SLC66A3: variants seen among roughly 807,000 people sequenced by gnomAD.
SLC66A3 encodes PQ loop repeat containing 3.
Under a neutral mutation model 25.5 loss-of-function variants are expected in SLC66A3, and 23 were observed. The observed-to-expected ratio is 0.90, with a 90% CI of 0.65 to 1.28. The LOEUF (loss-of-function observed/expected upper bound fraction) is 1.28, where lower values mean the gene tolerates loss of function less well. Among genes scored for constraint, SLC66A3 ranks in the 50% most tolerant of loss-of-function variants. The pLI, the probability that SLC66A3 is intolerant of heterozygous loss-of-function variation, is 0.00. For synonymous variants in SLC66A3, 108 were observed against 112.6 expected (o/e 0.96, Z 0.26); for missense variants, 246 against 262.1 (o/e 0.94, Z 0.42).
intron 6 of SLC66A3, among the ~76,000 whole-genome samples, chr2:11,175,251 C>CT (rs1662697569): frequency 6.6e-6 from 1 of 152,212 alleles, no homozygotes; most frequent in African/African-American, 2.4e-5. Context: ...GGAACTTCCA[C>CT]TTAAGCAGTG....
At chr2:11,162,074 A>G (rs11683786) in intron 3 of SLC66A3, among the ~76,000 whole-genome samples, 85,206 of 152,074 alleles carry the variant, frequency 0.56, 24,044 homozygotes, top group African/African-American at 0.57. Flanking sequence ...CATCTGTGAC[A>G]TGGGATCATA....
At position 11,155,634 on chromosome 2, in the gene SLC66A3, G is replaced by A. The variant is rs750672666; in HGVS notation, c.88G>A (p.Ala30Thr). ...GCTGCCGCAGATCTCCGCTGTGCTA[G>A]CGGCGCGCAGCGCGCGGGGCCTCAG... ...LKLPQISAVL[A>T]ARSARGLSLP... Residue 30 changes from alanine (A) to threonine (T), a missense_variant, in exon 1 of 7, where the codon GCG (alanine) becomes ACG (threonine). Ala to Thr is a moderately conservative substitution (Grantham distance 58, BLOSUM62 0). This residue lies in a region of SLC66A3 where 142 missense variants were observed against 130.3 expected (regional missense o/e 1.09). Transcript: ENST00000295083. 6.6e-7 allele frequency: 1 copy of A among 1,513,958 alleles called. No homozygotes were observed. Among genetic ancestry groups the A allele is most frequent in the Non-Finnish European group, 8.8e-7 (1 of 1,142,262 alleles). The allele number at this position is 1,513,958 out of a possible 1,614,324, so 93.8% of individuals were successfully genotyped here.
At chr2:11,168,083 A>T (rs1662411347) in intron 4 of SLC66A3, among the ~76,000 whole-genome samples, 1 of 152,172 alleles carries the variant, frequency 6.6e-6, no homozygotes, top group African/African-American at 2.4e-5. Context: ...GATCAAGACC[A>T]TCCTGGCTAA....
rs770634313 is a variant in SLC66A3 at position 11,172,070 on chromosome 2, G to T, written c.475+25G>T. On this transcript the variant is annotated intron_variant, in intron 5 of 6. Transcript: ENST00000295083. ...AGTAAGAACCGGACTCACATGGTGG[G>T]GAGGCCTTTGGTAGCACCAAGTGTC... The T allele has an allele frequency of 1.9e-6, 3 of 1,611,976 alleles. No individual in the cohort carries two copies. Among genetic ancestry groups the T allele is most frequent in the Non-Finnish European group, 2.5e-6 (3 of 1,178,938 alleles).
intron 4 of SLC66A3, among the ~76,000 whole-genome samples, chr2:11,171,003 G>A (rs544190528): frequency 2.8e-4 from 42 of 152,178 alleles, no homozygotes; most frequent in African/African-American, 9.9e-4. Context: ...CCCACTGCAC[G>A]GTGGAATCTG....
At chr2:11,176,525 C>A (rs1274655298) in intron 6 of SLC66A3, among the ~76,000 whole-genome samples, 2 of 87,306 alleles carry the variant, frequency 2.3e-5, no homozygotes, top group African/African-American at 8.4e-5. Flanking sequence ...CTGGGAATAA[C>A]TTTTTTTTTT....
intron 6 of SLC66A3, among the ~76,000 whole-genome samples, chr2:11,175,334 G>C (rs973462175): frequency 6.6e-5 from 10 of 152,194 alleles, no homozygotes; most frequent in African/African-American, 2.4e-4. Context: ...AGTAGGGCAG[G>C]ATGAGCATCT....
intron 4 of SLC66A3, among the ~76,000 whole-genome samples, chr2:11,166,383 G>A (rs1662344197): frequency 6.6e-6 from 1 of 152,126 alleles, no homozygotes; most frequent in East Asian, 1.9e-4. Flanking sequence ...TCTACCCAAC[G>A]AGAAAAGGAG....
intron 2 of SLC66A3, 31 bp from the exon 3 acceptor site, chr2:11,160,594 T>TC (rs1236381822): frequency 1.2e-6 from 2 of 1,613,870 alleles, no homozygotes. Context: ...GGTCTCCCCT[T>TC]CCCCCCTCAC....
intron 6 of SLC66A3, among the ~76,000 whole-genome samples, chr2:11,176,056 A>G (rs556502277): frequency 6.6e-6 from 1 of 152,352 alleles, no homozygotes; most frequent in African/African-American, 2.4e-5. Flanking sequence ...GTCTTTCCAC[A>G]GGACTTGAAT....
chr2:11,177,321 G>A (rs913935766), intron 6 of SLC66A3, among the ~76,000 whole-genome samples: 8 of 152,086 alleles, frequency 5.3e-5, no homozygotes, highest in South Asian at 2.1e-4. Flanking sequence ...ATAGCCAGGC[G>A]TGGTGGTGGG....
At position 11,165,831 on chromosome 2, in the gene SLC66A3, C is replaced by G. The variant is rs1342250672; in HGVS notation, c.354+1570C>G. ...GGGCTGGAGACCAGCCCGGCCAACACAGCGAAACCCTGTCTCCACCAAAAA... is the reference window on the plus strand; with the variant it reads ...GGGCTGGAGACCAGCCCGGCCAACAGAGCGAAACCCTGTCTCCACCAAAAA... On this transcript the variant is annotated intron_variant, in intron 4 of 6. Transcript: ENST00000295083. Among the ~76,000 whole-genome samples the G allele has an allele frequency of 4.0e-5, 6 of 149,778 alleles. No individual in the cohort carries two copies. In the Admixed American group the frequency reaches 4.0e-4, roughly 10 times the overall value.
chr2:11,155,539 G>C lies in SLC66A3; in HGVS notation c.-8G>C. Reference sequence around the variant, plus strand: ...TGCGGCCGCCCAGGTGCCCGCGCCCGTGGCGCTATGGAGGCGGCGCTGCTG... The same window carrying C: ...TGCGGCCGCCCAGGTGCCCGCGCCCCTGGCGCTATGGAGGCGGCGCTGCTG... On this transcript the variant is annotated 5_prime_UTR_variant, in exon 1 of 7. Coordinates refer to ENST00000295083, the MANE Select transcript of SLC66A3 (RefSeq NM_152391.5). 1 of 1,491,084 alleles carries C rather than the reference G, an allele frequency of 6.7e-7. No homozygotes were observed. The highest frequency in any genetic ancestry group is 1.3e-5 in the South Asian group (1 of 79,898). The allele number at this position is 1,491,084 out of a possible 1,614,324, so 92.4% of individuals were successfully genotyped here. A position where few individuals can be genotyped will look rare whatever the true frequency, so the allele number is the denominator to read the frequency against.
Position 11,171,979 on chromosome 2 carries a change from TG to T in SLC66A3, c.411del (p.Trp137Ter), listed in dbSNP as rs753828522. 1.9e-6 allele frequency: 3 copies of T among 1,613,980 alleles called. No homozygotes were observed. The South Asian group carries it at 3.3e-5, about 18-fold the overall frequency. ...TAAGTTTGCACAGCTCCAGTGTCTG[TG>T]GAAGACGAGAGACTCAGGAACTGTG... ...ASKFAQLQCL[W>X]KTRDSGTVSA... is the part of the protein sequence containing the mutation. On this transcript the variant is annotated frameshift_variant, in exon 5 of 7. Coordinates refer to ENST00000295083, the MANE Select transcript of SLC66A3 (RefSeq NM_152391.5). LOFTEE classifies it high-confidence loss of function.
chr2:11,171,395 C>A lies in SLC66A3; in HGVS notation c.355-530C>A, dbSNP rs1458312414. Among the ~76,000 whole-genome samples, 3 of 152,094 alleles carry A rather than the reference C, an allele frequency of 2.0e-5. No individual in the cohort carries two copies. In the East Asian group the frequency reaches 5.8e-4, roughly 29 times the overall value. ...ACTTAGGTTTCAACTTTGTACAAATCCATTATTATTTTGACACTCCAGCCT... is the reference window on the plus strand; with the variant it reads ...ACTTAGGTTTCAACTTTGTACAAATACATTATTATTTTGACACTCCAGCCT... On this transcript the variant is annotated intron_variant, in intron 4 of 6. Coordinates refer to ENST00000295083, the MANE Select transcript of SLC66A3 (RefSeq NM_152391.5).
chr2:11,158,592 G>A (rs1179605792), intron 1 of SLC66A3, among the ~76,000 whole-genome samples: 1 of 152,206 alleles, frequency 6.6e-6, no homozygotes, highest in East Asian at 1.9e-4. Flanking sequence ...AACCCGGGAG[G>A]CGGAGCTTGC....
Position 11,177,935 on chromosome 2 carries a change from A to AATC in SLC66A3, c.*108_*110dup. On this transcript the variant is annotated 3_prime_UTR_variant, in exon 7 of 7. Coordinates refer to ENST00000295083, the MANE Select transcript of SLC66A3 (RefSeq NM_152391.5). ...TTATAAATTTAGTAAATCAGTTTAT[A>AATC]ATCTTTAAAGCCAAAGGTTTTTTTA... The AATC allele has an allele frequency of 1.4e-6, 1 of 715,668 alleles. No homozygotes were observed. Among genetic ancestry groups the AATC allele is most frequent in the Non-Finnish European group, 2.3e-6 (1 of 433,810 alleles). 44.3% of individuals were successfully genotyped at this position (715,668 alleles called of 1,614,324 possible).
intron 6 of SLC66A3, among the ~76,000 whole-genome samples, chr2:11,176,571 C>G (rs1662754716): frequency 8.6e-6 from 1 of 116,872 alleles, no homozygotes; most frequent in South Asian, 3.1e-4. Flanking sequence ...CTCTGTCGCC[C>G]AGGCTGGAGT....
chr2:11,166,268 CT>C (rs1169466226), intron 4 of SLC66A3, among the ~76,000 whole-genome samples: 4 of 152,160 alleles, frequency 2.6e-5, no homozygotes, highest in South Asian at 2.1e-4. Context: ...GAGGGGCTGA[CT>C]TTTTTTCATA....
Sources: gnomAD v4.1 joint callset for allele counts (sites outside exome capture counted in the v4.1 genomes callset) on GRCh38, gnomAD v4.1.1 for gene constraint, gnomAD v4.1.1 regional missense constraint, MANE v1.5 for transcripts, NCBI Gene and HGNC (gene_info 2026-07-23, HGNC 2026-07-21) for gene names.